Variants in PCDHGA5 observed in about 807,000 individuals in gnomAD.
PCDHGA5 encodes protocadherin gamma-A5.
Under a neutral mutation model 56.7 loss-of-function variants are expected in PCDHGA5, and 36 were observed. That is an observed-to-expected ratio of 0.64 (90% confidence interval 0.49 to 0.84). The LOEUF is 0.84. Ranked by LOEUF, PCDHGA5 falls within the 40% of genes least tolerant of loss-of-function variation. The pLI is 0.00. For synonymous variants in PCDHGA5, 563 were observed against 520.2 expected (o/e 1.08, Z -1.12); for missense variants, 1,305 against 1,201.5 (o/e 1.09, Z -1.27).
At position 141,403,597 on chromosome 5, in the gene PCDHGA5, G is replaced by T. The variant is rs772486529; in HGVS notation, c.2421+36846G>T. On this transcript the variant is annotated intron_variant, in intron 1 of 3. Transcript: ENST00000518069. ...CCCACCACCTGGTCCTCACGGCCTC[G>T]GATGGCGGCGAGCCGCGTCGCTCCA... The T allele has an allele frequency of 1.3e-5, 21 of 1,613,692 alleles. No individual in the cohort carries two copies. The African/African-American group carries it at 2.5e-4, about 19-fold the overall frequency.
At chr5:141,419,029 T>C in intron 1 of PCDHGA5, 1 of 1,613,886 alleles carries the variant, frequency 6.2e-7, no homozygotes, top group Non-Finnish European at 8.5e-7. Flanking sequence ...GTAGAGGTGT[T>C]CCATTTAAGA....
chr5:141,413,010 C>A, intron 1 of PCDHGA5: 1 of 640,210 alleles, frequency 1.6e-6, no homozygotes. Flanking sequence ...AGGGCTTCAA[C>A]TACACAAGCC....
At chr5:141,463,581 T>TG (rs2099064477) in intron 1 of PCDHGA5, among the ~76,000 whole-genome samples, 1 of 151,502 alleles carries the variant, frequency 6.6e-6, no homozygotes, top group Non-Finnish European at 1.5e-5. Context: ...CCCGAGTAGC[T>TG]GGGACTACAG....
chr5:141,410,175 C>T (rs202065305), intron 1 of PCDHGA5: 5 of 1,613,752 alleles, frequency 3.1e-6, no homozygotes, highest in Non-Finnish European at 8.5e-7. Flanking sequence ...TCTGCCACCG[C>T]CACGCTTCAT....
At chr5:141,481,229 A>T (rs989963485) in intron 1 of PCDHGA5, among the ~76,000 whole-genome samples, 1 of 152,212 alleles carries the variant, frequency 6.6e-6, no homozygotes, top group Non-Finnish European at 1.5e-5. Flanking sequence ...TCCCAGCCTT[A>T]AAGTATTACA....
chr5:141,484,266 T>G (rs2099593967), intron 1 of PCDHGA5, among the ~76,000 whole-genome samples: 1 of 152,220 alleles, frequency 6.6e-6, no homozygotes, highest in Non-Finnish European at 1.5e-5. Flanking sequence ...ACACTGATTC[T>G]TTACTGTTTT....
At chr5:141,423,750 T>TGG (rs144521096) in intron 1 of PCDHGA5, 9,462 of 287,056 alleles carry the variant, frequency 0.033, 140 homozygotes, top group African/African-American at 0.097. Flanking sequence ...GAAAACTGTT[T>TGG]GGGGGGGGGG....
rs779792543 is a variant in PCDHGA5 at position 141,486,994 on chromosome 5, C to T, written c.2422-7813C>T. ...ATTCAGGTTACAATGCTTGGGTTTCCTATCAGCTCCTGGAGGCCCCAGATC... is the reference window on the plus strand; with the variant it reads ...ATTCAGGTTACAATGCTTGGGTTTCTTATCAGCTCCTGGAGGCCCCAGATC... On this transcript the variant is annotated intron_variant, in intron 1 of 3. Coordinates refer to ENST00000518069, the MANE Select transcript of PCDHGA5 (RefSeq NM_018918.3). This position sits in a 1 kb window ranked among gnomAD's most constrained non-coding sequence, Gnocchi z 5.0. The T allele has an allele frequency of 6.2e-7, 1 of 1,614,214 alleles. No individual in the cohort carries two copies. The highest frequency in any genetic ancestry group is 8.5e-7 in the Non-Finnish European group (1 of 1,180,034).
At chr5:141,384,593 C>A (rs1449911634) in intron 1 of PCDHGA5, 3 of 1,614,252 alleles carry the variant, frequency 1.9e-6, no homozygotes, top group South Asian at 1.1e-5. Context: ...ATCCTGTACC[C>A]GGCCCTCCCC....
intron 1 of PCDHGA5, chr5:141,383,587 G>A (rs1054174619): frequency 3.1e-6 from 5 of 1,613,564 alleles, no homozygotes; most frequent in African/African-American, 1.3e-5. Context: ...CCACATCCAG[G>A]TGACAGTGGT....
At chr5:141,391,324 T>C (rs1246568740) in intron 1 of PCDHGA5, 2 of 151,644 alleles carry the variant, frequency 1.3e-5, no homozygotes, top group Non-Finnish European at 2.9e-5. Context: ...TTTCTTTTTT[T>C]TTTTTTGAGA....
rs747509171 is a variant in PCDHGA5, at chr5:141,477,069, A to G, written c.2422-17738A>G. The stretch of plus-strand genomic sequence containing the variant: ...CTGGACTTCGAGGACACCAAACTCC[A>G]TGAGATTTACATCCAGGCCAAAGAC... On this transcript the variant is annotated intron_variant, in intron 1 of 3. Coordinates refer to ENST00000518069, the MANE Select transcript of PCDHGA5 (RefSeq NM_018918.3). The surrounding 1 kb of genome is among the most constrained non-coding windows in gnomAD (Gnocchi z 4.9). 7 of 1,614,246 alleles carry G rather than the reference A, an allele frequency of 4.3e-6. No homozygotes were observed. The highest frequency in any genetic ancestry group is 5.9e-6 in the Non-Finnish European group (7 of 1,180,026).
At chr5:141,408,438 C>G (rs749271632) in intron 1 of PCDHGA5, 8 of 1,613,896 alleles carry the variant, frequency 5.0e-6, no homozygotes, top group Non-Finnish European at 5.9e-6. Flanking sequence ...AGCGTAGACG[C>G]GGAGAGCGGG....
At chr5:141,504,182 C>A (rs2099836345) in intron 2 of PCDHGA5, among the ~76,000 whole-genome samples, 1 of 152,234 alleles carries the variant, frequency 6.6e-6, no homozygotes, top group Non-Finnish European at 1.5e-5. Context: ...TCAAAAAAAT[C>A]ATGAAAATTG....
chr5:141,433,850 A>C (rs899643386), intron 1 of PCDHGA5, among the ~76,000 whole-genome samples: 2 of 151,896 alleles, frequency 1.3e-5, no homozygotes, highest in East Asian at 3.9e-4. Flanking sequence ...AAAAAAAAAA[A>C]AAAAACTTTA....
At chr5:141,384,879 C>T (rs771003299) in intron 1 of PCDHGA5, 1 of 1,613,874 alleles carries the variant, frequency 6.2e-7, no homozygotes, top group Middle Eastern at 1.6e-4. Context: ...CCGTCACACT[C>T]ACCGTGGCTG....
intron 1 of PCDHGA5, chr5:141,423,751 G>GGC: frequency 2.9e-6 from 1 of 349,040 alleles, no homozygotes; most frequent in African/African-American, 6.5e-5. Context: ...AAAACTGTTT[G>GGC]GGGGGGGGGT....
chr5:141,412,285 C>T (rs957716949), intron 1 of PCDHGA5: 3 of 152,194 alleles, frequency 2.0e-5, no homozygotes, highest in Non-Finnish European at 4.4e-5. Context: ...TCAAATTCTA[C>T]GTATTTCTTT....
chr5:141,383,038 G>C, intron 1 of PCDHGA5: 1 of 1,613,858 alleles, frequency 6.2e-7, no homozygotes, highest in Non-Finnish European at 8.5e-7. Flanking sequence ...CTTTGTGGGA[G>C]ACATCGCCAA....
Sources: allele counts gnomAD v4.1 joint callset (sites outside exome capture counted in the v4.1 genomes callset), GRCh38; gene constraint gnomAD v4.1.1; non-coding constraint Gnocchi (gnomAD v3.1); transcripts MANE v1.5; gene names NCBI Gene and HGNC (gene_info 2026-07-23, HGNC 2026-07-21).